DENND5B: variants seen among roughly 807,000 people sequenced by gnomAD.
DENND5B encodes DENN domain-containing protein 5B.
In DENND5B, 34 loss-of-function variants were observed where a neutral mutation model predicts 140.6. The observed-to-expected ratio is 0.24, with a 90% CI of 0.18 to 0.32. The LOEUF is 0.32. Among genes scored for constraint, DENND5B ranks in the 10% least tolerant of loss-of-function variants. The probability of loss-of-function intolerance (pLI) is 1.00; values close to 1 mark genes in which losing one functional copy is unlikely to be tolerated. For missense variants in DENND5B, 1,142 were observed against 1,560.2 expected (o/e 0.73, Z 4.52); for synonymous variants, 551 against 562.1 (o/e 0.98, Z 0.28).
At chr12:31,560,571 C>T (rs10843968) in intron 1 of DENND5B, among the ~76,000 whole-genome samples, 61,493 of 151,942 alleles carry the variant, frequency 0.4, 12,952 homozygotes, top group East Asian at 0.57. Flanking sequence ...CTTAATACAG[C>T]TAGCTGCCAG....
At chr12:31,543,608 A>G (rs1405119896) in intron 1 of DENND5B, among the ~76,000 whole-genome samples, 1 of 152,252 alleles carries the variant, frequency 6.6e-6, no homozygotes, top group Non-Finnish European at 1.5e-5. Flanking sequence ...AATCATCAAA[A>G]GTATAGCAGC....
chr12:31,558,195 T>C (rs1949361558), intron 1 of DENND5B, among the ~76,000 whole-genome samples: 1 of 152,182 alleles, frequency 6.6e-6, no homozygotes, highest in South Asian at 2.1e-4. Context: ...CCAGACAGTT[T>C]TATTGTTCTT....
Position 31,413,543 on chromosome 12 carries a change from C to T in DENND5B, c.2574G>A (p.Glu858=). Residue 858 remains glutamate (E), a synonymous_variant, in exon 13 of 21, where the codon GAG becomes GAA. Transcript: ENST00000389082. ...GAGCTCGTCCAACATCAGTCTTGAT[C>T]TCACTCATGTTTTGAATATGCCTAA... The part of the protein sequence containing the change: ...QDMRHIQNMS[E]IKTDVGRARA... 4.3e-6 allele frequency: 7 copies of T among 1,613,338 alleles called. No individual in the cohort carries two copies. Among genetic ancestry groups the T allele is most frequent in the Non-Finnish European group, 5.9e-6 (7 of 1,179,562 alleles).
rs747559716 is a variant in DENND5B, at chr12:31,452,187, G to A, written c.1382C>T (p.Ala461Val). 2 of 1,613,936 alleles carry A rather than the reference G, an allele frequency of 1.2e-6. No individual in the cohort carries two copies. The highest frequency in any genetic ancestry group is 2.2e-5 in the South Asian group (2 of 91,078). ...TTCCACAGCCACACCAGTACGCTTG[G>A]CCAGAGCCTGCAAGCGGGCTATGGT... ...NETIARLQAL[A>V]KRTGVAVEKM... is the part of the protein sequence containing the mutation. The change falls in exon 5 of 21, where the codon GCC becomes GTC. Residue 461 changes from alanine to valine, a missense_variant. Around this residue, in one of 5 missense-constraint regions of DENND5B, gnomAD observed 708 missense variants for 905.5 expected, o/e 0.78. Transcript: ENST00000389082.
intron 1 of DENND5B, among the ~76,000 whole-genome samples, chr12:31,559,186 CTTCACA>C (rs1949393270): frequency 6.6e-6 from 1 of 152,072 alleles, no homozygotes; most frequent in African/African-American, 2.4e-5. Flanking sequence ...TTAGTTAAAC[CTTCACA>C]TTAGTGGAGG....
At chr12:31,474,692 A>G (rs926820988) in intron 3 of DENND5B, among the ~76,000 whole-genome samples, 1 of 152,216 alleles carries the variant, frequency 6.6e-6, no homozygotes. Flanking sequence ...TCAGTGAGTA[A>G]GAAATGAAGT....
At chr12:31,585,819 G>A (rs932014781) in intron 1 of DENND5B, among the ~76,000 whole-genome samples, 1 of 152,204 alleles carries the variant, frequency 6.6e-6, no homozygotes. Context: ...GCTAGAGAGA[G>A]ACACTAAGGA....
intron 1 of DENND5B, among the ~76,000 whole-genome samples, chr12:31,523,007 G>A (rs1947954612): frequency 6.6e-6 from 1 of 151,036 alleles, no homozygotes; most frequent in African/African-American, 2.4e-5. Flanking sequence ...CCCTGAGGAT[G>A]TTAGCATTCC....
At chr12:31,458,692 C>T (rs2138220228) in intron 4 of DENND5B, among the ~76,000 whole-genome samples, 1 of 152,190 alleles carries the variant, frequency 6.6e-6, no homozygotes, top group East Asian at 1.9e-4. Flanking sequence ...GAAATAATGG[C>T]TGTGGCTTAG....
At chr12:31,578,292 TAGAAACAATCC>T (rs1195712159) in intron 1 of DENND5B, among the ~76,000 whole-genome samples, 1 of 152,192 alleles carries the variant, frequency 6.6e-6, no homozygotes, top group African/African-American at 2.4e-5. Flanking sequence ...GAAAAGTATC[TAGAAACAATCC>T]AGATCAGCAA....
At chr12:31,550,433 A>T (rs1040928483) in intron 1 of DENND5B, among the ~76,000 whole-genome samples, 5 of 151,844 alleles carry the variant, frequency 3.3e-5, no homozygotes, top group Non-Finnish European at 4.4e-5. Context: ...CATGGTGTAT[A>T]TGTGCCACAT....
intron 1 of DENND5B, among the ~76,000 whole-genome samples, chr12:31,553,453 T>C (rs1949151454): frequency 6.6e-6 from 1 of 152,236 alleles, no homozygotes; most frequent in African/African-American, 2.4e-5. Context: ...TCTGTTCTTT[T>C]ACATTTGTTG....
chr12:31,514,762 G>A (rs1947560220), intron 1 of DENND5B, among the ~76,000 whole-genome samples: 1 of 151,660 alleles, frequency 6.6e-6, no homozygotes, highest in South Asian at 2.1e-4. Context: ...GGCAGAGGTT[G>A]CAGTGAGCTG....
intron 2 of DENND5B, among the ~76,000 whole-genome samples, chr12:31,492,914 G>A (rs535270324): frequency 6.6e-6 from 1 of 152,230 alleles, no homozygotes; most frequent in African/African-American, 2.4e-5. Flanking sequence ...GATTATTTTA[G>A]TATTGTATAA....
chr12:31,504,860 ACAAT>A (rs1410147376), intron 1 of DENND5B, among the ~76,000 whole-genome samples: 2 of 152,228 alleles, frequency 1.3e-5, no homozygotes, highest in African/African-American at 4.8e-5. Context: ...GTCAAGGCAC[ACAAT>A]CTATCTTTCC....
intron 1 of DENND5B, chr12:31,500,551 G>A (rs765207074): frequency 9.7e-5 from 32 of 329,034 alleles, no homozygotes; most frequent in South Asian, 4.6e-5. Context: ...ATGGTGGTGG[G>A]TGCCCATAAT....
At chr12:31,407,127 A>ATTT (rs1942168787) in intron 14 of DENND5B, among the ~76,000 whole-genome samples, 1 of 150,758 alleles carries the variant, frequency 6.6e-6, no homozygotes, top group South Asian at 2.1e-4. Flanking sequence ...TTAATTAATT[A>ATTT]ATTTATTTAT....
intron 1 of DENND5B, among the ~76,000 whole-genome samples, chr12:31,499,860 G>C (rs572666619): frequency 2.9e-4 from 44 of 152,316 alleles, no homozygotes; most frequent in Non-Finnish European, 5.6e-4. Flanking sequence ...AAAGCAAAGA[G>C]AATAGGTAAT....
intron 1 of DENND5B, among the ~76,000 whole-genome samples, chr12:31,575,663 T>C (rs116948705): frequency 0.01 from 1,524 of 152,228 alleles, 17 homozygotes; most frequent in Middle Eastern, 0.024. Flanking sequence ...TATAAGAAAT[T>C]GCCCAGTTTC....
Sources: gnomAD v4.1 joint callset for allele counts (sites outside exome capture counted in the v4.1 genomes callset) on GRCh38, gnomAD v4.1.1 for gene constraint, gnomAD v4.1.1 regional missense constraint, MANE v1.5 for transcripts, NCBI Gene and HGNC (gene_info 2026-07-23, HGNC 2026-07-21) for gene names.